The following SYN3 variants were observed in gnomAD, a reference collection of about 807,000 sequenced individuals.
SYN3 encodes synapsin-3.
Under a neutral mutation model 65.8 loss-of-function variants are expected in SYN3, and 35 were observed. That is an observed-to-expected ratio of 0.53 (90% CI 0.41 to 0.70). The LOEUF (loss-of-function observed/expected upper bound fraction) is 0.70. Ranked by LOEUF, SYN3 falls within the 30% of genes least tolerant of loss-of-function variation. The pLI is 0.00. For missense variants in SYN3, 680 were observed against 749.0 expected (o/e 0.91, Z 1.08); for synonymous variants, 270 against 292.9 (o/e 0.92, Z 0.80).
chr22:32,646,352 T>G (rs2059983674), intron 6 of SYN3, among the ~76,000 whole-genome samples: 1 of 152,208 alleles, frequency 6.6e-6, no homozygotes, highest in African/African-American at 2.4e-5. Context: ...AACCCCAAAC[T>G]GACTTTTGTT....
intron 6 of SYN3, among the ~76,000 whole-genome samples, chr22:32,774,270 T>C (rs1374039592): frequency 6.6e-6 from 1 of 152,118 alleles, no homozygotes; most frequent in Non-Finnish European, 1.5e-5. Context: ...GTAATCAAGT[T>C]AGAATGAAGT....
chr22:32,605,720 AGT>A, intron 6 of SYN3, among the ~76,000 whole-genome samples: 1 of 152,330 alleles, frequency 6.6e-6, no homozygotes, highest in African/African-American at 2.4e-5. Context: ...ATGATCATCC[AGT>A]GCTTCCCCTG....
intron 6 of SYN3, among the ~76,000 whole-genome samples, chr22:32,830,978 C>T (rs1209521941): frequency 6.6e-6 from 1 of 152,056 alleles, no homozygotes; most frequent in Non-Finnish European, 1.5e-5. Context: ...ACCAGGGGCA[C>T]AGGGGTGGGG....
At chr22:32,930,269 T>A (rs1226735122) in intron 4 of SYN3, among the ~76,000 whole-genome samples, 8 of 152,164 alleles carry the variant, frequency 5.3e-5, no homozygotes, top group African/African-American at 1.9e-4. Flanking sequence ...TGTTCTCGTG[T>A]TAGTGAGTAA....
intron 6 of SYN3, among the ~76,000 whole-genome samples, chr22:32,638,932 A>G (rs2059856800): frequency 6.6e-6 from 1 of 152,062 alleles, no homozygotes; most frequent in Non-Finnish European, 1.5e-5. Flanking sequence ...TTCTTCTAGG[A>G]TCATATAGTT....
At chr22:32,791,119 G>A (rs907394611) in intron 6 of SYN3, among the ~76,000 whole-genome samples, 4 of 152,098 alleles carry the variant, frequency 2.6e-5, no homozygotes, top group Admixed American at 1.3e-4. Flanking sequence ...CATAAAATGG[G>A]CATGATCATA....
intron 1 of SYN3, among the ~76,000 whole-genome samples, chr22:33,028,445 C>T (rs930131533): frequency 6.6e-6 from 1 of 152,184 alleles, no homozygotes; most frequent in Admixed American, 6.5e-5. Flanking sequence ...CAGCTGCCCG[C>T]ACAGCCAGCA....
At chr22:32,582,512 G>C (rs1259441598) in intron 7 of SYN3, among the ~76,000 whole-genome samples, 1 of 151,824 alleles carries the variant, frequency 6.6e-6, no homozygotes, top group African/African-American at 2.4e-5. Context: ...ACCACAACCA[G>C]CTAATTTTTA....
intron 4 of SYN3, among the ~76,000 whole-genome samples, chr22:32,880,861 T>C (rs2049113824): frequency 6.6e-6 from 1 of 152,204 alleles, no homozygotes; most frequent in South Asian, 2.1e-4. Flanking sequence ...ATGTCTGAAA[T>C]GCCTGTTTCC....
intron 1 of SYN3, among the ~76,000 whole-genome samples, chr22:33,025,970 C>T (rs550431027): frequency 4.6e-5 from 7 of 152,264 alleles, no homozygotes; most frequent in Middle Eastern, 3.4e-3. Flanking sequence ...CCCTCTTGCA[C>T]CTCTGTCACT....
At chr22:32,880,431 G>A (rs1411614913) in intron 4 of SYN3, among the ~76,000 whole-genome samples, 13 of 152,206 alleles carry the variant, frequency 8.5e-5, no homozygotes, top group Admixed American at 8.5e-4. Context: ...CTGGTCTACA[G>A]GGGGGCTCTG....
intron 6 of SYN3, among the ~76,000 whole-genome samples, chr22:32,615,770 G>A (rs747194122): frequency 1.8e-4 from 28 of 152,218 alleles, no homozygotes; most frequent in Admixed American, 3.9e-4. Context: ...CCTGTCTGCA[G>A]GGAGTAGAGA....
chr22:32,715,607 C>G (rs1415710374), intron 6 of SYN3, among the ~76,000 whole-genome samples: 1 of 151,826 alleles, frequency 6.6e-6, no homozygotes, highest in East Asian at 1.9e-4. Context: ...GGTGAAACCC[C>G]GTCTCTACTA....
At chr22:32,700,381 G>A (rs1002163192) in intron 6 of SYN3, among the ~76,000 whole-genome samples, 2 of 152,158 alleles carry the variant, frequency 1.3e-5, no homozygotes, top group African/African-American at 2.4e-5. Flanking sequence ...TAGGATCTCT[G>A]AGCTGACATA....
At chr22:32,858,725 A>C (rs1259187594) in intron 6 of SYN3, among the ~76,000 whole-genome samples, 1 of 152,186 alleles carries the variant, frequency 6.6e-6, no homozygotes, top group Non-Finnish European at 1.5e-5. Context: ...TCTGCAGATG[A>C]GAGCTCAGAG....
chr22:32,669,428 G>A (rs1463646907), intron 6 of SYN3, among the ~76,000 whole-genome samples: 4 of 151,558 alleles, frequency 2.6e-5, no homozygotes, highest in Non-Finnish European at 4.4e-5. Flanking sequence ...CTCCAAGTGA[G>A]GCTCATTTTA....
intron 6 of SYN3, among the ~76,000 whole-genome samples, chr22:32,758,832 G>C (rs1002971963): frequency 6.6e-6 from 1 of 150,864 alleles, no homozygotes; most frequent in Non-Finnish European, 1.5e-5. Context: ...TATGGTGTCT[G>C]GTAGGACCAA....
At chr22:32,822,627 C>A (rs547793983) in intron 6 of SYN3, among the ~76,000 whole-genome samples, 7 of 152,184 alleles carry the variant, frequency 4.6e-5, no homozygotes, top group Non-Finnish European at 1.0e-4. Context: ...ATGTCTATTG[C>A]AAATAGACTG....
At chr22:32,541,841 A>G (rs1231084196) in intron 7 of SYN3, 128 bp from the exon 8 acceptor site, 1 of 1,104,914 alleles carries the variant, frequency 9.1e-7, no homozygotes, top group African/African-American at 1.6e-5. Context: ...GGCAGGGGAG[A>G]CAGACACGGG....
Sources: gnomAD v4.1 joint callset for allele counts (sites outside exome capture counted in the v4.1 genomes callset) on GRCh38, gnomAD v4.1.1 for gene constraint, MANE v1.5 for transcripts, NCBI Gene and HGNC (gene_info 2026-07-23, HGNC 2026-07-21) for gene names.